The following VPS37A variants were observed in gnomAD, a reference collection of about 807,000 sequenced individuals.
VPS37A encodes VPS37A subunit of ESCRT-I.
A neutral mutation model predicts 49.8 loss-of-function variants in VPS37A; 30 were observed. That is an observed-to-expected ratio of 0.60 (90% CI 0.45 to 0.82). VPS37A has a LOEUF of 0.82. Ranked by LOEUF, VPS37A falls within the 40% of genes least tolerant of loss-of-function variation. The pLI, the probability that VPS37A is intolerant of heterozygous loss-of-function variation, is 0.00. For synonymous variants in VPS37A, 195 were observed against 160.6 expected, an observed-to-expected ratio of 1.21 and a Z score of -1.62; for missense variants, 593 against 464.4, an observed-to-expected ratio of 1.28 and a Z score of -2.55.
At chr8:17,313,464 T>G in the VPS37A span, 2 of 1,066,046 alleles carry the variant, frequency 1.9e-6, no homozygotes, top group Admixed American at 3.8e-5. Context: ...CATATGATCA[T>G]GTTTTATAGG....
chr8:17,300,911 T>C (rs1817067417), downstream of VPS37A, among the ~76,000 whole-genome samples: 1 of 152,264 alleles, frequency 6.6e-6, no homozygotes, highest in Non-Finnish European at 1.5e-5. Flanking sequence ...ACTTAGCTTA[T>C]GTTCTCAGAA....
intron 1 of VPS37A, among the ~76,000 whole-genome samples, chr8:17,249,665 T>A (rs769752300): frequency 1.3e-5 from 2 of 152,066 alleles, no homozygotes; most frequent in Non-Finnish European, 2.9e-5. Flanking sequence ...AGCTGGGAGG[T>A]AAAAAATAAT....
chr8:17,311,371 C>G, the VPS37A span: 1 of 1,099,460 alleles, frequency 9.1e-7, no homozygotes. Flanking sequence ...TAATCTTGAT[C>G]TCTTCCCCTT....
chr8:17,265,943 G>A lies in VPS37A; in HGVS notation c.162G>A (p.Leu54=), dbSNP rs753795332. 1.4e-5 allele frequency: 23 copies of A among 1,613,318 alleles called. No individual in the cohort carries two copies. The South Asian group carries it at 2.2e-4, about 15-fold the overall frequency. The stretch of plus-strand genomic sequence containing the variant: ...TACAGAAAGATGTGGAATACAGATT[G>A]CCATTCACCATAAACAACCTGACAA... ...AEIQKDVEYR[L]PFTINNLTIN... Residue 54 remains leucine, a synonymous_variant, in exon 2 of 12, where the codon TTG becomes TTA. Coordinates refer to ENST00000324849, the MANE Select transcript of VPS37A (RefSeq NM_152415.3).
chr8:17,325,890 G>C, the VPS37A span, among the ~76,000 whole-genome samples: 1 of 152,138 alleles, frequency 6.6e-6, no homozygotes, highest in African/African-American at 2.4e-5. Flanking sequence ...GCCCATCAAC[G>C]TATCCATTTC....
At chr8:17,271,433 G>A (rs540741990) in intron 4 of VPS37A, among the ~76,000 whole-genome samples, 3 of 152,026 alleles carry the variant, frequency 2.0e-5, no homozygotes, top group African/African-American at 4.8e-5. Context: ...GTGAAACCTC[G>A]TCTCTACTAA....
chr8:17,316,035 T>C, the VPS37A span, among the ~76,000 whole-genome samples: 1 of 152,118 alleles, frequency 6.6e-6, no homozygotes, highest in African/African-American at 2.4e-5. Context: ...AAGTTACAAA[T>C]AAAGTCTCGT....
At chr8:17,275,180 C>G (rs948414380) in intron 5 of VPS37A, among the ~76,000 whole-genome samples, 2 of 151,834 alleles carry the variant, frequency 1.3e-5, no homozygotes, top group African/African-American at 4.8e-5. Context: ...TTGGTAGAGA[C>G]ACAGTTAGGG....
At chr8:17,277,001 G>T (rs1040058951) in intron 6 of VPS37A, among the ~76,000 whole-genome samples, 2 of 151,988 alleles carry the variant, frequency 1.3e-5, no homozygotes, top group African/African-American at 4.8e-5. Context: ...TTGCCATTCA[G>T]TTTTGGGAAG....
intron 4 of VPS37A, among the ~76,000 whole-genome samples, chr8:17,272,773 C>A (rs948593226): frequency 6.6e-6 from 1 of 151,992 alleles, no homozygotes; most frequent in Non-Finnish European, 1.5e-5. Flanking sequence ...GATTAGAAAA[C>A]TTAATTTTTT....
rs1816635724 is a variant in VPS37A, at chr8:17,296,403, G to C, written c.*1417G>C. ...AATTAATTATTACTCCTGATTTGTAGATAACTGAGGTAAGAGTGTTTCAAA... is the reference window on the plus strand; with the variant it reads ...AATTAATTATTACTCCTGATTTGTACATAACTGAGGTAAGAGTGTTTCAAA... On this transcript the variant is annotated 3_prime_UTR_variant, in exon 12 of 12. Coordinates refer to ENST00000324849, the MANE Select transcript of VPS37A (RefSeq NM_152415.3). 2 of 152,156 alleles carry C rather than the reference G, an allele frequency of 1.3e-5. No individual in the cohort carries two copies. Among genetic ancestry groups the C allele is most frequent in the African/African-American group, 2.4e-5 (1 of 41,444 alleles). The allele number at this position is 152,156 out of a possible 1,614,324, so 9.4% of individuals were successfully genotyped here. A position where few individuals can be genotyped will look rare whatever the true frequency, so the allele number is the denominator to read the frequency against.
chr8:17,286,214 TA>T lies in VPS37A; in HGVS notation c.1114-132del, dbSNP rs1815570567. 17 of 667,592 alleles carry T rather than the reference TA, an allele frequency of 2.5e-5. No homozygotes were observed. In the Admixed American group the frequency reaches 5.0e-4, roughly 20 times the overall value. The allele number at this position is 667,592 out of a possible 1,614,324, so 41.4% of individuals were successfully genotyped here. A position where few individuals can be genotyped will look rare whatever the true frequency, so the allele number is the denominator to read the frequency against. On this transcript the variant is annotated intron_variant, in intron 10 of 11. Transcript: ENST00000324849. ...AATTTGATAATTTTAGCTATTAGAT[TA>T]TTAGCTATCTTCAACATTCAAAACA... is the stretch of plus-strand genomic sequence containing the variant.
intron 11 of VPS37A, among the ~76,000 whole-genome samples, chr8:17,292,822 C>T (rs1816273602): frequency 6.6e-6 from 1 of 152,340 alleles, no homozygotes; most frequent in Middle Eastern, 3.4e-3. Flanking sequence ...GCAGAGAGAT[C>T]CACTGTTAGT....
At chr8:17,267,467 T>TTTTG (rs1554491549) in intron 2 of VPS37A, among the ~76,000 whole-genome samples, 58,742 of 151,354 alleles carry the variant, frequency 0.39, 13,336 homozygotes, top group African/African-American at 0.61. Flanking sequence ...AAATTTCTGC[T>TTTTG]TGTGTGTGTG....
At chr8:17,301,796 G>A (rs906862199), downstream of VPS37A, 14 of 282,122 alleles carry the variant, frequency 5.0e-5, no homozygotes, top group Non-Finnish European at 8.4e-5. Flanking sequence ...TCTAAAAGTG[G>A]GGAAAGAGTT....
Position 17,274,854 on chromosome 8 carries a change from T to A in VPS37A, c.538T>A (p.Ser180Thr), listed in dbSNP as rs769852429. 13 of 1,614,180 alleles carry A rather than the reference T, an allele frequency of 8.1e-6. No individual in the cohort carries two copies. The highest frequency in any genetic ancestry group is 8.5e-6 in the Non-Finnish European group (10 of 1,180,008). Residue 180 changes from serine (S) to threonine (T), a missense_variant, in exon 5 of 12, where the codon TCT becomes ACT. Ser to Thr is a moderately conservative substitution (Grantham distance 58). Coordinates refer to ENST00000324849, the MANE Select transcript of VPS37A (RefSeq NM_152415.3). The stretch of plus-strand genomic sequence containing the variant: ...TTCTTTATCTGTTGCTGACACTGTT[T>A]CTTCTTCAACAACAAGTCATACCAC... Reference protein sequence around the residue: ...ITSLSVADTVSSSTTSHTTAK... With the variant: ...ITSLSVADTVTSSTTSHTTAK...
the VPS37A span, among the ~76,000 whole-genome samples, chr8:17,309,652 G>C: frequency 1.3e-5 from 2 of 152,268 alleles, no homozygotes; most frequent in East Asian, 1.9e-4. Flanking sequence ...CACTCTTTTA[G>C]AAGGGGAAAC....
chr8:17,317,123 C>T, the VPS37A span, among the ~76,000 whole-genome samples: 1 of 152,106 alleles, frequency 6.6e-6, no homozygotes, highest in South Asian at 2.1e-4. Flanking sequence ...AATTTGCTTG[C>T]TTATATGTGT....
At chr8:17,286,713 G>A (rs929987822) in intron 11 of VPS37A, 3 of 268,714 alleles carry the variant, frequency 1.1e-5, no homozygotes, top group South Asian at 6.4e-5. Flanking sequence ...CTCTCACCTG[G>A]TGTGTAGAGT....
Sources: gnomAD v4.1 joint callset for allele counts (sites outside exome capture counted in the v4.1 genomes callset) on GRCh38, gnomAD v4.1.1 for gene constraint, MANE v1.5 for transcripts, NCBI Gene and HGNC (gene_info 2026-07-23, HGNC 2026-07-21) for gene names.